Variants in SRRM1 observed in about 807,000 individuals in gnomAD.
SRRM1 encodes serine/arginine repetitive matrix protein 1.
In SRRM1, 19 loss-of-function variants were observed where a neutral mutation model predicts 110.2. That is an observed-to-expected ratio of 0.17 (90% CI 0.12 to 0.25). SRRM1 has a LOEUF of 0.25. SRRM1 is among the 10% of genes least tolerant of loss of function. The probability of loss-of-function intolerance (pLI) is 1.00; values close to 1 mark genes in which losing one functional copy is unlikely to be tolerated. For synonymous variants in SRRM1, 443 were observed against 414.9 expected (o/e 1.07, Z -0.82); for missense variants, 918 against 1,145.8 (o/e 0.80, Z 2.87).
chr1:24,669,801 T>A, intron 14 of SRRM1: 2 of 578,362 alleles, frequency 3.5e-6, no homozygotes, highest in Non-Finnish European at 3.0e-6. Flanking sequence ...TAGCAGTTAT[T>A]AATTTGTTTT....
At chr1:24,658,371 C>T (rs1387722642) in intron 9 of SRRM1, among the ~76,000 whole-genome samples, 2 of 152,064 alleles carry the variant, frequency 1.3e-5, no homozygotes, top group Non-Finnish European at 2.9e-5. Flanking sequence ...CCACCACACC[C>T]AGCTAATACA....
chr1:24,661,285 C>T, intron 10 of SRRM1, 25 bp from the exon 11 acceptor site: 1 of 1,588,896 alleles, frequency 6.3e-7, no homozygotes, highest in Non-Finnish European at 8.6e-7. Context: ...TAAAGAAACA[C>T]TTTCTAAATG....
At chr1:24,666,504 A>G (rs1343267984) in intron 12 of SRRM1, 13 of 279,170 alleles carry the variant, frequency 4.7e-5, no homozygotes, top group South Asian at 3.7e-4. Context: ...ACTCACACCT[A>G]TAATCCCAGC....
chr1:24,670,415 A>T, intron 15 of SRRM1, 100 bp downstream of exon 15: 1 of 1,277,432 alleles, frequency 7.8e-7, no homozygotes, highest in East Asian at 2.7e-5. Flanking sequence ...TTGGTGTTTA[A>T]ACTTTTTTTC....
chr1:24,671,968 T>C (rs186599450), intron 16 of SRRM1, among the ~76,000 whole-genome samples: 9 of 152,110 alleles, frequency 5.9e-5, no homozygotes, highest in African/African-American at 2.2e-4. Flanking sequence ...ATGTGCACAA[T>C]GTGCAGGTTT....
chr1:24,660,687 G>C, intron 9 of SRRM1, 32 bp from the exon 10 acceptor site: 1 of 1,271,734 alleles, frequency 7.9e-7, no homozygotes, highest in African/African-American at 1.5e-5. Context: ...TTTTTTGTAC[G>C]TAAGCTTTTT....
Position 24,643,321 on chromosome 1 carries a change from G to A in SRRM1, c.-6G>A, listed in dbSNP as rs764728070. ...ATAGGGAGCGATCTCCGAGCGAGGC[G>A]GCAAGATGGACGCGGGATTTTTCCG... On this transcript the variant is annotated 5_prime_UTR_variant, in exon 1 of 17. Transcript: ENST00000323848. The A allele has an allele frequency of 1.9e-6, 3 of 1,560,514 alleles. No homozygotes were observed. In the South Asian group the frequency reaches 3.5e-5, roughly 18 times the overall value.
chr1:24,646,132 C>T, intron 2 of SRRM1, 59 bp downstream of exon 2: 1 of 1,363,268 alleles, frequency 7.3e-7, no homozygotes, highest in Non-Finnish European at 1.0e-6. Flanking sequence ...GACTCAAGTT[C>T]TGGGGTTGTT....
intron 2 of SRRM1, 21 bp downstream of exon 2, chr1:24,646,094 G>A (rs909420333): frequency 1.3e-6 from 2 of 1,570,972 alleles, no homozygotes; most frequent in Middle Eastern, 2.1e-4. Context: ...GGATGAGACT[G>A]TTGTGCATCT....
At chr1:24,660,462 G>C (rs534918876) in intron 9 of SRRM1, among the ~76,000 whole-genome samples, 23 of 152,222 alleles carry the variant, frequency 1.5e-4, no homozygotes, top group Non-Finnish European at 2.8e-4. Context: ...TTCTTTTTGA[G>C]AGTAGTCACA....
intron 9 of SRRM1, among the ~76,000 whole-genome samples, chr1:24,656,098 T>G (rs754624063): frequency 2.0e-5 from 3 of 152,102 alleles, no homozygotes; most frequent in Non-Finnish European, 4.4e-5. Flanking sequence ...AGAAAAAATT[T>G]CAGGTTAGAA....
intron 11 of SRRM1, among the ~76,000 whole-genome samples, 172 bp from the exon 12 acceptor site, chr1:24,662,488 T>C (rs931024063): frequency 1.4e-4 from 21 of 152,344 alleles, no homozygotes; most frequent in Non-Finnish European, 1.0e-4. Flanking sequence ...TTAAATAATA[T>C]GCTTGGCTTT....
intron 8 of SRRM1, among the ~76,000 whole-genome samples, chr1:24,653,370 A>G (rs1289632378): frequency 6.6e-6 from 1 of 152,204 alleles, no homozygotes; most frequent in African/African-American, 2.4e-5. Context: ...AGCTGATTAT[A>G]GGGCCAGTAA....
intron 12 of SRRM1, among the ~76,000 whole-genome samples, chr1:24,665,668 G>C (rs529327256): frequency 1.3e-5 from 2 of 152,174 alleles, no homozygotes; most frequent in African/African-American, 4.8e-5. Flanking sequence ...AGCCCAGATC[G>C]TGCCAGTGCA....
chr1:24,655,200 C>T (rs996750158), intron 9 of SRRM1, 71 bp downstream of exon 9: 2 of 1,500,184 alleles, frequency 1.3e-6, no homozygotes, highest in African/African-American at 1.4e-5. Flanking sequence ...TTATTGCCCC[C>T]TGCTCACTCT....
chr1:24,658,776 G>T (rs11249152), intron 9 of SRRM1, among the ~76,000 whole-genome samples: 5,918 of 152,248 alleles, frequency 0.039, 357 homozygotes, highest in African/African-American at 0.13. Flanking sequence ...CTTTGAATTT[G>T]TTAAAATATA....
chr1:24,649,092 TTAGGTAGTATATGACTCAGC>T lies in SRRM1; in HGVS notation c.405+68_405+87del, dbSNP rs1659079242. 3.5e-6 allele frequency: 5 copies of T among 1,443,726 alleles called. No individual in the cohort carries two copies. The Admixed American group carries it at 7.6e-5, about 22-fold the overall frequency. 89.4% of individuals were successfully genotyped at this position (1,443,726 alleles called of 1,614,324 possible). On this transcript the variant is annotated intron_variant, in intron 4 of 16. Transcript: ENST00000323848. ...GTATTGGCCAGGCTGCCGAGACACC[TTAGGTAGTATATGACTCAGC>T]TAGGATCTTCATGTAGTTTTGCTTT... is the stretch of plus-strand genomic sequence containing the variant.
intron 1 of SRRM1, among the ~76,000 whole-genome samples, 182 bp from the exon 2 acceptor site, chr1:24,645,802 A>C (rs1230744981): frequency 6.6e-6 from 1 of 152,238 alleles, no homozygotes; most frequent in East Asian, 1.9e-4. Context: ...ATAATTTAAA[A>C]ATCCAGTCAA....
chr1:24,672,598 A>C lies in SRRM1; in HGVS notation c.*312A>C, dbSNP rs879218686. 3 of 168,392 alleles carry C rather than the reference A, an allele frequency of 1.8e-5. No individual in the cohort carries two copies. The highest frequency in any genetic ancestry group is 7.2e-5 in the African/African-American group (3 of 41,916). The allele number at this position is 168,392 out of a possible 1,614,324, so 10.4% of individuals were successfully genotyped here. ...TATGGTTCCTTTAAATGCCCTAGCTATTCCCAGAGGGGTTTTTTTGTTTGT... is the reference window on the plus strand; with the variant it reads ...TATGGTTCCTTTAAATGCCCTAGCTCTTCCCAGAGGGGTTTTTTTGTTTGT... On this transcript the variant is annotated 3_prime_UTR_variant, in exon 17 of 17. Coordinates refer to ENST00000323848, the MANE Select transcript of SRRM1 (RefSeq NM_005839.4).
Sources: allele counts gnomAD v4.1 joint callset (sites outside exome capture counted in the v4.1 genomes callset), GRCh38; gene constraint gnomAD v4.1.1; transcripts MANE v1.5; gene names NCBI Gene and HGNC (gene_info 2026-07-23, HGNC 2026-07-21).